The following TMTC1 variants were observed in gnomAD, a reference collection of about 807,000 sequenced individuals.
The protein encoded by TMTC1 is transmembrane O-mannosyltransferase targeting cadherins 1.
A neutral mutation model predicts 104.8 loss-of-function variants in TMTC1; 73 were observed. The ratio of observed to expected loss-of-function variants is 0.70; its 90% CI spans 0.58 to 0.85. TMTC1 has a LOEUF of 0.85. Ranked by LOEUF, TMTC1 falls within the 40% of genes least tolerant of loss-of-function variation. The pLI is 0.00. For synonymous variants in TMTC1, 434 were observed against 428.7 expected (o/e 1.01, Z -0.15); for missense variants, 1,035 against 1,096.1 (o/e 0.94, Z 0.79).
At chr12:29,678,160 CA>C (rs878965394) in intron 5 of TMTC1, among the ~76,000 whole-genome samples, 1 of 152,194 alleles carries the variant, frequency 6.6e-6, no homozygotes, top group Non-Finnish European at 1.5e-5. Flanking sequence ...CAGAGATGAA[CA>C]AAAGTCACTT....
chr12:29,689,122 G>C (rs1941185977), intron 5 of TMTC1, among the ~76,000 whole-genome samples: 1 of 152,076 alleles, frequency 6.6e-6, no homozygotes. Flanking sequence ...CATAACCTTG[G>C]GCTGGCAGAA....
chr12:29,514,405 C>T (rs1284487807), intron 16 of TMTC1, 77 bp downstream of exon 16: 3 of 1,456,906 alleles, frequency 2.1e-6, no homozygotes, highest in African/African-American at 2.8e-5. Context: ...TCTTACTGTA[C>T]ATGTTTCCTT....
chr12:29,545,156 T>C (rs879273316), intron 10 of TMTC1, among the ~76,000 whole-genome samples: 15 of 145,492 alleles, frequency 1.0e-4, no homozygotes, highest in East Asian at 2.0e-4. Flanking sequence ...TTTTTTTTTT[T>C]CAGCAGAGGC....
chr12:29,594,356 C>T (rs1261459080), intron 7 of TMTC1, among the ~76,000 whole-genome samples: 1 of 152,210 alleles, frequency 6.6e-6, no homozygotes, highest in African/African-American at 2.4e-5. Flanking sequence ...CTGTCCTCTC[C>T]TCTAGTCCCA....
At chr12:29,581,130 G>T (rs970032822) in intron 8 of TMTC1, among the ~76,000 whole-genome samples, 4 of 152,190 alleles carry the variant, frequency 2.6e-5, no homozygotes, top group Non-Finnish European at 5.9e-5. Context: ...AGAACTTGGA[G>T]TAGAGCCAGA....
intron 6 of TMTC1, among the ~76,000 whole-genome samples, chr12:29,631,394 A>T (rs1029516272): frequency 2.6e-5 from 4 of 152,176 alleles, no homozygotes; most frequent in Admixed American, 6.5e-5. Flanking sequence ...TTTTAGGACT[A>T]TGATCCACTT....
At chr12:29,538,146 T>C (rs1944695507) in intron 10 of TMTC1, among the ~76,000 whole-genome samples, 2 of 152,166 alleles carry the variant, frequency 1.3e-5, no homozygotes, top group African/African-American at 2.4e-5. Context: ...TCAAGTTGCA[T>C]GGTTATAATT....
chr12:29,656,046 C>A (rs544508451), intron 5 of TMTC1, among the ~76,000 whole-genome samples: 8 of 152,090 alleles, frequency 5.3e-5, no homozygotes, highest in Non-Finnish European at 1.0e-4. Context: ...TGGTTACTCA[C>A]AACAGACTGC....
At chr12:29,706,105 T>C (rs1176804455) in intron 5 of TMTC1, among the ~76,000 whole-genome samples, 1 of 152,176 alleles carries the variant, frequency 6.6e-6, no homozygotes, top group East Asian at 1.9e-4. Flanking sequence ...TTGGTGTGTA[T>C]GGCATATTGG....
chr12:29,541,852 T>C (rs918076985), intron 10 of TMTC1, among the ~76,000 whole-genome samples: 2 of 151,998 alleles, frequency 1.3e-5, no homozygotes, highest in Admixed American at 1.3e-4. Flanking sequence ...AGAGACGGTG[T>C]TTCACCATGT....
intron 7 of TMTC1, among the ~76,000 whole-genome samples, chr12:29,585,010 G>A (rs935755274): frequency 4.0e-5 from 6 of 149,122 alleles, no homozygotes; most frequent in Non-Finnish European, 5.9e-5. Context: ...CTGAGGAATC[G>A]CCACGCTGAC....
At position 29,582,010 on chromosome 12, in the gene TMTC1, C is replaced by T. The variant is rs185426929; in HGVS notation, c.1418+1397G>A. ...CATTAAAAACAATCCACACAAAAAA[C>T]TCTACATTGAGCTCCCTACAGTACC... On this transcript the variant is annotated intron_variant, in intron 8 of 17. Coordinates refer to ENST00000539277, the MANE Select transcript of TMTC1 (RefSeq NM_001193451.2). Among the ~76,000 whole-genome samples the T allele has an allele frequency of 7.2e-5, 11 of 152,238 alleles. No homozygotes were observed. The East Asian group carries it at 2.1e-3, about 29-fold the overall frequency.
At chr12:29,518,973 A>G (rs1944071038) in intron 12 of TMTC1, among the ~76,000 whole-genome samples, 1 of 152,222 alleles carries the variant, frequency 6.6e-6, no homozygotes, top group Non-Finnish European at 1.5e-5. Context: ...TCATTATATA[A>G]AAAATAGAAC....
chr12:29,783,852 CG>C lies in TMTC1; in HGVS notation c.-102del. ...CGCGGCGTCTGCCCGGAGGGGGGCT[CG>C]GGCATGGTGCTGCGGCAGCTGGACC... On this transcript the variant is annotated 5_prime_UTR_variant, in exon 1 of 18. The change creates a premature stop within an existing upstream ORF in the 5' untranslated region. Coordinates refer to ENST00000539277, the MANE Select transcript of TMTC1 (RefSeq NM_001193451.2). This position sits in a 1 kb window ranked among gnomAD's most constrained non-coding sequence, Gnocchi z 4.7. The C allele has an allele frequency of 9.7e-7, 1 of 1,033,814 alleles. No homozygotes were observed. The highest frequency in any genetic ancestry group is 4.5e-4 in the Middle Eastern group (1 of 2,216). 64.0% of individuals were successfully genotyped at this position (1,033,814 alleles called of 1,614,324 possible). A position where few individuals can be genotyped will look rare whatever the true frequency, so the allele number is the denominator to read the frequency against.
rs560786649 is a variant in TMTC1, at chr12:29,669,161, G to T, written c.939-35825C>A. On this transcript the variant is annotated intron_variant, in intron 5 of 17. Transcript: ENST00000539277. ...CTGAGGAAGATGAGAAGTGAATTAG[G>T]TGCAAAGAGATAGAATATGATATAT... Among the ~76,000 whole-genome samples, 17 of 152,230 alleles carry T rather than the reference G, an allele frequency of 1.1e-4. No individual in the cohort carries two copies. The South Asian group carries it at 3.3e-3, about 30-fold the overall frequency.
At position 29,600,758 on chromosome 12, in the gene TMTC1, C is replaced by T. The variant is rs763850643; in HGVS notation, c.1250+3420G>A. 5.9e-5 allele frequency among the ~76,000 whole-genome samples: 9 copies of T among 152,158 alleles called. No homozygotes were observed. The South Asian group carries it at 8.3e-4, about 14-fold the overall frequency. On this transcript the variant is annotated intron_variant, in intron 7 of 17. Coordinates refer to ENST00000539277, the MANE Select transcript of TMTC1 (RefSeq NM_001193451.2). Reference sequence around the variant, plus strand: ...AGGAAAGCACCTCCACCCTCTGCTCCGGTGGCTCTGGCATCTGCTGAGATG... The same window carrying T: ...AGGAAAGCACCTCCACCCTCTGCTCTGGTGGCTCTGGCATCTGCTGAGATG...
chr12:29,655,714 C>A (rs1939722961), intron 5 of TMTC1, among the ~76,000 whole-genome samples: 1 of 152,122 alleles, frequency 6.6e-6, no homozygotes, highest in South Asian at 2.1e-4. Context: ...GTTAAACACA[C>A]AGAAATAGAT....
At chr12:29,668,707 C>T (rs549709216) in intron 5 of TMTC1, among the ~76,000 whole-genome samples, 16 of 152,182 alleles carry the variant, frequency 1.1e-4, no homozygotes, top group Non-Finnish European at 1.8e-4. Flanking sequence ...GTGATCCACC[C>T]ACCTTGGCCT....
chr12:29,650,167 T>C (rs941965890), intron 5 of TMTC1, among the ~76,000 whole-genome samples: 10 of 151,564 alleles, frequency 6.6e-5, no homozygotes, highest in African/African-American at 2.2e-4. Context: ...CACTGCAACC[T>C]CTGCCTCCCA....
Sources: gnomAD v4.1 joint callset for allele counts (sites outside exome capture counted in the v4.1 genomes callset) on GRCh38, gnomAD v4.1.1 for gene constraint, Gnocchi (gnomAD v3.1) non-coding constraint, MANE v1.5 for transcripts, NCBI Gene and HGNC (gene_info 2026-07-23, HGNC 2026-07-21) for gene names.